Variants in HIP1 observed in about 807,000 individuals in gnomAD.
The protein encoded by HIP1 is huntingtin interacting protein 1, also known as huntingtin-interacting protein 1.
Under a neutral mutation model 147.6 loss-of-function variants are expected in HIP1, and 65 were observed. That is an observed-to-expected ratio of 0.44 (90% CI 0.36 to 0.54). HIP1 has a LOEUF of 0.54. HIP1 is among the 20% of genes least tolerant of loss of function. HIP1 has a pLI of 0.00. For synonymous variants in HIP1, 479 were observed against 504.0 expected (o/e 0.95, Z 0.67); for missense variants, 1,061 against 1,299.6 (o/e 0.82, Z 2.82).
intron 1 of HIP1, among the ~76,000 whole-genome samples, chr7:75,622,432 G>A (rs868958432): frequency 2.6e-4 from 40 of 152,064 alleles, no homozygotes; most frequent in Middle Eastern, 3.2e-3. Flanking sequence ...TACGGGCAGT[G>A]GCTCATGCCT....
rs782744930 is a variant in HIP1 at position 75,554,180 on chromosome 7, G to A, written c.2091C>T (p.His697=). 1 of 1,614,118 alleles carries A rather than the reference G, an allele frequency of 6.2e-7. No individual in the cohort carries two copies. The highest frequency in any genetic ancestry group is 8.5e-7 in the Non-Finnish European group (1 of 1,180,018). ...CATGAGCAATGGCGTCGCTGGTCAA[G>A]TGGGCCAGCAGGGTTATGGAATGGA... ...GLLHSITLLA[H]LTSDAIAHGA... Residue 697 remains histidine (H), a synonymous_variant, in exon 21 of 31, where the codon CAC becomes CAT. Coordinates refer to ENST00000336926, the MANE Select transcript of HIP1 (RefSeq NM_005338.7).
chr7:75,631,173 T>C (rs188044150), intron 1 of HIP1, among the ~76,000 whole-genome samples: 225 of 152,016 alleles, frequency 1.5e-3, no homozygotes, highest in African/African-American at 5.1e-3. Context: ...AGGATCTTGC[T>C]ATTTTTCCCA....
intron 1 of HIP1, among the ~76,000 whole-genome samples, chr7:75,649,728 G>C (rs565074984): frequency 6.6e-6 from 1 of 152,212 alleles, no homozygotes; most frequent in Admixed American, 6.5e-5. Flanking sequence ...AGGAACCCCC[G>C]GCCTGGTCTT....
chr7:75,554,292 T>G (rs1309212003), intron 20 of HIP1, 72 bp from the exon 21 acceptor site: 1 of 1,384,824 alleles, frequency 7.2e-7, no homozygotes, highest in Non-Finnish European at 1.0e-6. Context: ...TCCTCCCGTT[T>G]TATGAGTTGC....
intron 1 of HIP1, chr7:75,611,592 C>T (rs1004945325): frequency 2.5e-6 from 2 of 816,172 alleles, no homozygotes; most frequent in African/African-American, 1.9e-5. Context: ...GAACTGTTCC[C>T]GCCCCGCCAC....
chr7:75,674,707 G>T (rs1271554596), intron 1 of HIP1, among the ~76,000 whole-genome samples: 1 of 151,816 alleles, frequency 6.6e-6, no homozygotes, highest in Non-Finnish European at 1.5e-5. Context: ...AAGCCAGGAT[G>T]GTCTCGATCT....
chr7:75,618,939 T>A (rs1384296042), intron 1 of HIP1, among the ~76,000 whole-genome samples: 2 of 152,048 alleles, frequency 1.3e-5, no homozygotes, highest in African/African-American at 4.8e-5. Context: ...CCAGTGAGCC[T>A]CCCACCTTGG....
At chr7:75,575,811 C>T (rs1306293444) in intron 7 of HIP1, among the ~76,000 whole-genome samples, 4 of 152,062 alleles carry the variant, frequency 2.6e-5, no homozygotes, top group African/African-American at 4.8e-5. Context: ...ACTCTCCCCG[C>T]GGTCCCTCTG....
intron 1 of HIP1, among the ~76,000 whole-genome samples, chr7:75,644,130 T>G (rs1397386154): frequency 6.6e-6 from 1 of 152,232 alleles, no homozygotes; most frequent in East Asian, 1.9e-4. Context: ...TTAACCTCTC[T>G]GAATTTCAGT....
At chr7:75,710,264 T>G (rs782379080) in intron 1 of HIP1, among the ~76,000 whole-genome samples, 8 of 152,220 alleles carry the variant, frequency 5.3e-5, no homozygotes, top group African/African-American at 1.9e-4. Context: ...TTAATTGAGA[T>G]GATCATGTGG....
At chr7:75,557,347 C>CAAAAA (rs1171311564) in intron 16 of HIP1, among the ~76,000 whole-genome samples, 1 of 148,410 alleles carries the variant, frequency 6.7e-6, no homozygotes, top group East Asian at 1.9e-4. Context: ...ACAAAACAAA[C>CAAAAA]AAACAAAAAA....
chr7:75,616,955 G>C (rs1354677794), intron 1 of HIP1, among the ~76,000 whole-genome samples: 1 of 151,978 alleles, frequency 6.6e-6, no homozygotes, highest in Non-Finnish European at 1.5e-5. Flanking sequence ...GCCCAGGTTG[G>C]AGTGCAGTGG....
At position 75,534,622 on chromosome 7, in the gene HIP1, C is replaced by T. The variant is rs190784856; in HGVS notation, c.*3550G>A. The T allele has an allele frequency of 1.7e-4, 30 of 174,998 alleles. No individual in the cohort carries two copies. Among genetic ancestry groups the T allele is most frequent in the Middle Eastern group, 2.2e-3 (1 of 454 alleles). The allele number at this position is 174,998 out of a possible 1,614,324, so 10.8% of individuals were successfully genotyped here. ...CTAATTTTTGTATTTTTAGTAGAGA[C>T]GGGGTTTCACCATGTTGGCCAGGCT... On this transcript the variant is annotated 3_prime_UTR_variant, in exon 31 of 31. Coordinates refer to ENST00000336926, the MANE Select transcript of HIP1 (RefSeq NM_005338.7).
chr7:75,590,347 T>C (rs1293285733), intron 4 of HIP1, among the ~76,000 whole-genome samples: 2 of 152,140 alleles, frequency 1.3e-5, no homozygotes, highest in African/African-American at 4.8e-5. Context: ...AGCAAGCATT[T>C]TGTAATTATT....
At chr7:75,619,957 CAG>C (rs1239579872) in intron 1 of HIP1, among the ~76,000 whole-genome samples, 3 of 152,180 alleles carry the variant, frequency 2.0e-5, no homozygotes, top group African/African-American at 7.2e-5. Context: ...TCACGGGTAA[CAG>C]ATTCTTAGGG....
intron 1 of HIP1, among the ~76,000 whole-genome samples, chr7:75,726,728 G>A (rs1424644202): frequency 1.4e-5 from 2 of 142,810 alleles, no homozygotes; most frequent in Middle Eastern, 4.0e-3. Context: ...TTGGTAGACA[G>A]AGTCTCGCTC....
At position 75,592,094 on chromosome 7, in the gene HIP1, T is replaced by G. The variant is rs782573915; in HGVS notation, c.346A>C (p.Arg116=). The change falls in exon 4 of 31, where the codon AGA becomes CGA. Residue 116 remains arginine (R), a synonymous_variant. Transcript: ENST00000336926. The stretch of plus-strand genomic sequence containing the variant: ...ATGTCACTCAATTCATTTCTGTATC[T>G]CAGAGAGTCCTTCAGGACCTGCAGG... ...GHPNVLKDSL[R]YRNELSDMSR... is the part of the protein sequence containing the mutation. 9.3e-6 allele frequency: 15 copies of G among 1,614,058 alleles called. No individual in the cohort carries two copies. Among genetic ancestry groups the G allele is most frequent in the Non-Finnish European group, 8.5e-7 (1 of 1,179,932 alleles).
intron 1 of HIP1, among the ~76,000 whole-genome samples, chr7:75,624,495 C>T (rs185455984): frequency 6.6e-6 from 1 of 152,236 alleles, no homozygotes; most frequent in East Asian, 1.9e-4. Context: ...GGGAGTCATC[C>T]AACAGGCCCC....
chr7:75,729,441 C>T (rs1032015215), intron 1 of HIP1, among the ~76,000 whole-genome samples: 2 of 150,970 alleles, frequency 1.3e-5, no homozygotes, highest in African/African-American at 2.4e-5. Flanking sequence ...GAGCTATGAT[C>T]GCATCACTGC....
Sources: allele counts gnomAD v4.1 joint callset (sites outside exome capture counted in the v4.1 genomes callset), GRCh38; gene constraint gnomAD v4.1.1; transcripts MANE v1.5; gene names NCBI Gene and HGNC (gene_info 2026-07-23, HGNC 2026-07-21).